Variants in MIS18BP1 observed in about 807,000 individuals in gnomAD.
MIS18BP1 encodes the protein MIS18 binding protein 1.
MIS18BP1 carries 72 observed loss-of-function variants against 116.1 expected under a neutral mutation model. That is an observed-to-expected ratio of 0.62 (90% CI 0.51 to 0.75). The LOEUF (loss-of-function observed/expected upper bound fraction) is 0.75. MIS18BP1 is among the 30% of genes least tolerant of loss of function. The pLI, the probability that MIS18BP1 is intolerant of heterozygous loss-of-function variation, is 0.00. For synonymous variants in MIS18BP1, 386 were observed against 427.0 expected (o/e 0.90, Z 1.18); for missense variants, 1,363 against 1,303.2 (o/e 1.05, Z -0.71).
chr14:45,225,581 T>C (rs1891103148), intron 10 of MIS18BP1, among the ~76,000 whole-genome samples: 1 of 152,158 alleles, frequency 6.6e-6, no homozygotes, highest in African/African-American at 2.4e-5. Context: ...ATGGTTCCAC[T>C]TTCATTGCCA....
At position 45,224,785 on chromosome 14, in the gene MIS18BP1, A is replaced by C. The variant is rs371094052; in HGVS notation, c.1841-39T>G. On this transcript the variant is annotated intron_variant, in intron 10 of 16. Coordinates refer to ENST00000310806, the MANE Select transcript of MIS18BP1 (RefSeq NM_018353.5). ...AGACAAAACCAAAGACCAAAATCTC[A>C]AATTAGCTATAAACAAATATAAGCA... 2.3e-4 allele frequency: 320 copies of C among 1,368,798 alleles called. 2 individuals are homozygous for C. In the African/African-American group the frequency reaches 4.2e-3, roughly 18 times the overall value. The allele number at this position is 1,368,798 out of a possible 1,614,324, so 84.8% of individuals were successfully genotyped here. A position where few individuals can be genotyped will look rare whatever the true frequency, so the allele number is the denominator to read the frequency against.
At chr14:45,227,478 G>A (rs564369091) in intron 9 of MIS18BP1, among the ~76,000 whole-genome samples, 185 bp downstream of exon 9, 1 of 151,412 alleles carries the variant, frequency 6.6e-6, no homozygotes, top group African/African-American at 2.4e-5. Flanking sequence ...CCAGGAGGCA[G>A]AGGGTGCAAT....
At position 45,242,774 on chromosome 14, in the gene MIS18BP1, G is replaced by C. The variant is rs1566821232; in HGVS notation, c.645C>G (p.His215Gln). Residue 215 changes from histidine (H) to glutamine (Q), a missense_variant, in exon 3 of 17, where the codon CAC (histidine) becomes CAG (glutamine). Coordinates refer to ENST00000310806, the MANE Select transcript of MIS18BP1 (RefSeq NM_018353.5). The part of the protein sequence containing the change: ...QCQQEKKAPL[H>Q]NLTYELPTLN... The stretch of plus-strand genomic sequence containing the variant: ...AAAATAGTTTACCGTAAGTTAAATT[G>C]TGCAGTGGTGCTTTCTTTTCCTGCT... The C allele has an allele frequency of 6.2e-7, 1 of 1,608,782 alleles. No homozygotes were observed. Among genetic ancestry groups the C allele is most frequent in the Non-Finnish European group, 8.5e-7 (1 of 1,177,468 alleles).
chr14:45,218,267 T>G lies in MIS18BP1; in HGVS notation c.2842+15A>C, dbSNP rs148626227. ...ACTGAGTACTAGGAAAAAAACTATTTACTACGAAGGTTACCATTTTGGCCT... is the reference window on the plus strand; with the variant it reads ...ACTGAGTACTAGGAAAAAAACTATTGACTACGAAGGTTACCATTTTGGCCT... On this transcript the variant is annotated intron_variant, in intron 12 of 16. Transcript: ENST00000310806. The G allele has an allele frequency of 1.1e-3, 1,748 of 1,609,060 alleles. 44 individuals are homozygous for G. In the East Asian group the frequency reaches 0.035, roughly 32 times the overall value.
At chr14:45,205,840 C>T (rs551761931) in intron 15 of MIS18BP1, among the ~76,000 whole-genome samples, 2 of 152,216 alleles carry the variant, frequency 1.3e-5, no homozygotes, top group South Asian at 4.1e-4. Flanking sequence ...TTTTCCCACC[C>T]TTCATTTCCC....
At chr14:45,214,114 T>A (rs1890748967) in intron 13 of MIS18BP1, among the ~76,000 whole-genome samples, 1 of 152,154 alleles carries the variant, frequency 6.6e-6, no homozygotes, top group Non-Finnish European at 1.5e-5. Context: ...GGGAAAGACC[T>A]TACTGTCCCC....
chr14:45,223,560 G>A (rs8010456), intron 11 of MIS18BP1, among the ~76,000 whole-genome samples: 23,649 of 152,012 alleles, frequency 0.16, 2,321 homozygotes, highest in African/African-American at 0.27. Context: ...GGGGCAGCAG[G>A]GCGAGACTCC....
intron 4 of MIS18BP1, among the ~76,000 whole-genome samples, chr14:45,239,781 T>G (rs897893745): frequency 2.6e-5 from 4 of 152,288 alleles, no homozygotes; most frequent in African/African-American, 9.6e-5. Flanking sequence ...CAGTCATCCC[T>G]GGACTAGGAG....
chr14:45,215,070 T>C (rs1402077587), intron 13 of MIS18BP1, among the ~76,000 whole-genome samples: 1 of 152,190 alleles, frequency 6.6e-6, no homozygotes, highest in East Asian at 1.9e-4. Context: ...TTTATGATGC[T>C]ACTATTGCAT....
chr14:45,224,078 G>A lies in MIS18BP1; in HGVS notation c.2509C>T (p.Pro837Ser). Reference protein sequence around the residue: ...EFYIKQKKARPSVKETLQKSG... With the variant: ...EFYIKQKKARSSVKETLQKSG... ...TTCTGAAGAGTTTCTTTGACGGAAG[G>A]TCTAGCTTTCTTTTGTTTGATATAA... is the stretch of plus-strand genomic sequence containing the variant. Residue 837 changes from proline (P) to serine (S), a missense_variant, in exon 11 of 17, where the codon CCT (proline) becomes TCT (serine). Pro to Ser is a moderately conservative substitution (Grantham distance 74). Transcript: ENST00000310806. 1 of 1,612,656 alleles carries A rather than the reference G, an allele frequency of 6.2e-7. No individual in the cohort carries two copies. The highest frequency in any genetic ancestry group is 8.5e-7 in the Non-Finnish European group (1 of 1,179,762).
At chr14:45,245,045 A>G (rs1349118057) in intron 2 of MIS18BP1, among the ~76,000 whole-genome samples, 1 of 152,146 alleles carries the variant, frequency 6.6e-6, no homozygotes, top group African/African-American at 2.4e-5. Flanking sequence ...TACAATTGCC[A>G]TTATTTCTTT....
intron 10 of MIS18BP1, among the ~76,000 whole-genome samples, chr14:45,226,259 T>C (rs1418078979): frequency 2.6e-5 from 4 of 152,156 alleles, no homozygotes; most frequent in Admixed American, 6.5e-5. Flanking sequence ...CTTTCACTTC[T>C]TTTCACTTAT....
At chr14:45,244,155 C>CCTAT (rs1891664807) in intron 2 of MIS18BP1, among the ~76,000 whole-genome samples, 4 of 151,928 alleles carry the variant, frequency 2.6e-5, no homozygotes, top group Non-Finnish European at 5.9e-5. Flanking sequence ...GGCTTTCTAA[C>CCTAT]AGATACCTAT....
Position 45,242,079 on chromosome 14 carries a change from A to G in MIS18BP1, c.1098T>C (p.Pro366=), listed in dbSNP as rs775408407. The G allele has an allele frequency of 6.2e-7, 1 of 1,613,134 alleles. No homozygotes were observed. Among genetic ancestry groups the G allele is most frequent in the Non-Finnish European group, 8.5e-7 (1 of 1,179,656 alleles). The part of the protein sequence containing the change: ...RSKRNISKLS[P]PRIFQTVTNG... ...TTGTAACAGTTTGAAATATTCTTGG[A>G]GGAGAAAGCTTTGAAATATTTCTTT... Residue 366 remains proline, a synonymous_variant, in exon 4 of 17, where the codon CCT becomes CCC. Transcript: ENST00000310806.
intron 6 of MIS18BP1, among the ~76,000 whole-genome samples, chr14:45,233,260 T>G (rs1190672136): frequency 6.6e-6 from 1 of 152,192 alleles, no homozygotes; most frequent in African/African-American, 2.4e-5. Context: ...ATACCTGGCC[T>G]GTTTGAAACA....
rs1456033029 is a variant in MIS18BP1, at chr14:45,224,712, A to T, written c.1875T>A (p.Ile625=). 5 of 1,600,302 alleles carry T rather than the reference A, an allele frequency of 3.1e-6. No individual in the cohort carries two copies. The highest frequency in any genetic ancestry group is 3.4e-6 in the Non-Finnish European group (4 of 1,175,908). The change falls in exon 11 of 17, where the codon ATT becomes ATA. Residue 625 remains isoleucine, a synonymous_variant. Coordinates refer to ENST00000310806, the MANE Select transcript of MIS18BP1 (RefSeq NM_018353.5). ...TTEELDVSID[I]LTSREQFFSD... ...AGAAAAACTGTTCCCTTGAGGTTAG[A>T]ATATCAATGGATACATCCAATTCTT...
At chr14:45,214,616 CTCTT>C (rs1356173785) in intron 13 of MIS18BP1, among the ~76,000 whole-genome samples, 15 of 152,320 alleles carry the variant, frequency 9.8e-5, no homozygotes, top group Non-Finnish European at 2.1e-4. Context: ...GTCTCTGTGT[CTCTT>C]TCTTTTCCCA....
chr14:45,227,783 T>C lies in MIS18BP1; in HGVS notation c.1626A>G (p.Pro542=). The part of the protein sequence containing the change: ...ELKSNKHSES[P]GATELNMCHS... ...GGCACATGTTTAATTCTGTAGCTCC[T>C]GGTGACTCACTGTGCTTATTACTCT... Residue 542 remains proline (P), a synonymous_variant, in exon 9 of 17, where the codon CCA becomes CCG. Transcript: ENST00000310806. 1 of 1,614,064 alleles carries C rather than the reference T, an allele frequency of 6.2e-7. No individual in the cohort carries two copies. The highest frequency in any genetic ancestry group is 8.5e-7 in the Non-Finnish European group (1 of 1,179,928).
At chr14:45,206,628 T>A (rs1049483163) in intron 14 of MIS18BP1, among the ~76,000 whole-genome samples, 69 of 152,210 alleles carry the variant, frequency 4.5e-4, no homozygotes, top group African/African-American at 1.6e-3. Flanking sequence ...ACATTCTGTA[T>A]TTTAAAGAGG....
Sources: allele counts gnomAD v4.1 joint callset (sites outside exome capture counted in the v4.1 genomes callset), GRCh38; gene constraint gnomAD v4.1.1; transcripts MANE v1.5; gene names NCBI Gene and HGNC (gene_info 2026-07-23, HGNC 2026-07-21).